Variants in GRID2 observed in about 807,000 individuals in gnomAD.
GRID2 encodes the protein glutamate receptor ionotropic, delta-2.
In GRID2, 33 loss-of-function variants were observed where a neutral mutation model predicts 114.8. That is an observed-to-expected ratio of 0.29 (90% CI 0.22 to 0.38). The LOEUF is 0.38. Ranked by LOEUF, GRID2 falls within the 10% of genes least tolerant of loss-of-function variation. The pLI is 1.00. For missense variants in GRID2, 1,184 were observed against 1,257.7 expected (o/e 0.94, Z 0.89); for synonymous variants, 505 against 449.9 (o/e 1.12, Z -1.55).
chr4:93,297,139 T>C (rs995708486), intron 8 of GRID2, among the ~76,000 whole-genome samples: 4 of 152,192 alleles, frequency 2.6e-5, no homozygotes, highest in East Asian at 3.9e-4. Flanking sequence ...TTTTTTGTCC[T>C]GTAATCCATG....
chr4:93,383,139 C>T (rs1764017295), intron 8 of GRID2, among the ~76,000 whole-genome samples: 1 of 152,080 alleles, frequency 6.6e-6, no homozygotes, highest in Non-Finnish European at 1.5e-5. Context: ...GGCAAGCAGG[C>T]ACTGGCCATT....
chr4:92,853,918 C>G (rs1347464537), intron 2 of GRID2, among the ~76,000 whole-genome samples: 2 of 151,450 alleles, frequency 1.3e-5, no homozygotes, highest in Non-Finnish European at 2.9e-5. Flanking sequence ...GTGATGATAT[C>G]TGTGCACCAA....
At chr4:92,580,002 T>TA (rs1728100127) in intron 1 of GRID2, among the ~76,000 whole-genome samples, 1 of 146,984 alleles carries the variant, frequency 6.8e-6, no homozygotes, top group South Asian at 2.1e-4. Flanking sequence ...TACATATATA[T>TA]TTTATATATA....
At chr4:93,502,882 G>C (rs1278436491) in intron 12 of GRID2, among the ~76,000 whole-genome samples, 3 of 152,028 alleles carry the variant, frequency 2.0e-5, no homozygotes, top group East Asian at 3.9e-4. Flanking sequence ...TGGCTGGTGG[G>C]CTGCTTTTAT....
intron 1 of GRID2, among the ~76,000 whole-genome samples, chr4:92,505,314 C>A (rs1255973564): frequency 1.3e-5 from 2 of 151,964 alleles, no homozygotes; most frequent in Non-Finnish European, 2.9e-5. Context: ...GATTAAATGG[C>A]AACTTTCTAC....
chr4:92,629,457 C>A (rs184824009), intron 2 of GRID2, among the ~76,000 whole-genome samples: 1 of 151,958 alleles, frequency 6.6e-6, no homozygotes, highest in Non-Finnish European at 1.5e-5. Context: ...GTTTCACAGG[C>A]GACTCCCCTA....
chr4:92,781,359 A>G (rs888054463), intron 2 of GRID2, among the ~76,000 whole-genome samples: 1 of 152,126 alleles, frequency 6.6e-6, no homozygotes, highest in Non-Finnish European at 1.5e-5. Flanking sequence ...ACTTTTTCAA[A>G]TGTGTGGATA....
chr4:93,177,169 G>A (rs1333504494), intron 4 of GRID2, among the ~76,000 whole-genome samples: 1 of 152,114 alleles, frequency 6.6e-6, no homozygotes, highest in Non-Finnish European at 1.5e-5. Context: ...CATATATTAA[G>A]TGGGACAAAA....
At chr4:93,482,655 A>G (rs977796215) in intron 11 of GRID2, among the ~76,000 whole-genome samples, 4 of 152,024 alleles carry the variant, frequency 2.6e-5, no homozygotes, top group African/African-American at 9.7e-5. Flanking sequence ...TACCTATGTA[A>G]CAAACCTGCA....
At chr4:92,407,665 C>A in intron 1 of GRID2, among the ~76,000 whole-genome samples, 1 of 152,078 alleles carries the variant, frequency 6.6e-6, no homozygotes, top group East Asian at 1.9e-4. Flanking sequence ...TTTTGATTTG[C>A]ATTTCTCTGA....
At chr4:93,694,419 C>T (rs1726834704) in intron 14 of GRID2, among the ~76,000 whole-genome samples, 2 of 152,292 alleles carry the variant, frequency 1.3e-5, no homozygotes, top group Non-Finnish European at 1.5e-5. Context: ...TTACTTGCTA[C>T]GCATGACACC....
chr4:92,704,901 A>G (rs1414232632), intron 2 of GRID2, among the ~76,000 whole-genome samples: 1 of 151,920 alleles, frequency 6.6e-6, no homozygotes, highest in African/African-American at 2.4e-5. Context: ...ATTCACTTGT[A>G]TATAAATTCT....
intron 13 of GRID2, among the ~76,000 whole-genome samples, chr4:93,533,030 G>T (rs1011981195): frequency 3.3e-5 from 5 of 152,046 alleles, no homozygotes; most frequent in African/African-American, 1.2e-4. Flanking sequence ...GCCACCAAAT[G>T]ATGTATTGGA....
chr4:92,475,184 T>A (rs1346396924), intron 1 of GRID2, among the ~76,000 whole-genome samples: 1 of 149,692 alleles, frequency 6.7e-6, no homozygotes, highest in Non-Finnish European at 1.5e-5. Context: ...TTAATCCCAT[T>A]TGCCTTTTAA....
intron 14 of GRID2, among the ~76,000 whole-genome samples, chr4:93,725,980 T>C (rs74905624): frequency 0.31 from 47,140 of 152,044 alleles, 7,656 homozygotes; most frequent in Middle Eastern, 0.47. Context: ...AGAAGCTCTT[T>C]AGTTTAATTA....
chr4:93,445,585 A>G (rs959181855), intron 10 of GRID2, among the ~76,000 whole-genome samples: 1 of 151,956 alleles, frequency 6.6e-6, no homozygotes, highest in Non-Finnish European at 1.5e-5. Flanking sequence ...TTCCATGTTC[A>G]GCTAAATACA....
chr4:93,731,959 T>C (rs1730519124), intron 14 of GRID2, among the ~76,000 whole-genome samples: 1 of 152,194 alleles, frequency 6.6e-6, no homozygotes, highest in Admixed American at 6.5e-5. Flanking sequence ...GGATAGGATC[T>C]CTTCTCCTGA....
intron 1 of GRID2, among the ~76,000 whole-genome samples, chr4:92,421,667 A>C (rs1348398189): frequency 6.6e-6 from 1 of 152,138 alleles, no homozygotes; most frequent in Non-Finnish European, 1.5e-5. Context: ...AAAACAAGCT[A>C]GAGTTTGCTG....
intron 2 of GRID2, among the ~76,000 whole-genome samples, chr4:92,985,806 A>G (rs1194199013): frequency 2.0e-5 from 3 of 152,150 alleles, no homozygotes; most frequent in Non-Finnish European, 4.4e-5. Flanking sequence ...GCCACAAGTT[A>G]TCTTCCAGAG....
Sources: gnomAD v4.1 joint callset for allele counts (sites outside exome capture counted in the v4.1 genomes callset) on GRCh38, gnomAD v4.1.1 for gene constraint, MANE v1.5 for transcripts, NCBI Gene and HGNC (gene_info 2026-07-23, HGNC 2026-07-21) for gene names.